Variants in FGF1 observed in about 807,000 individuals in gnomAD.
The protein encoded by FGF1 is beta-endothelial cell growth factor.
Under a neutral mutation model 13.4 loss-of-function variants are expected in FGF1, and 9 were observed. The ratio of observed to expected loss-of-function variants is 0.67; its 90% CI spans 0.40 to 1.17. The LOEUF is 1.17. FGF1 is among the 50% of genes most tolerant of loss of function. The pLI, the probability that FGF1 is intolerant of heterozygous loss-of-function variation, is 0.01. For missense variants in FGF1, 156 were observed against 192.7 expected (o/e 0.81, Z 1.13); for synonymous variants, 93 against 79.0 (o/e 1.18, Z -0.94).
intron 1 of FGF1, among the ~76,000 whole-genome samples, chr5:142,673,671 T>C (rs1771916343): frequency 6.6e-6 from 1 of 152,168 alleles, no homozygotes; most frequent in Non-Finnish European, 1.5e-5. Flanking sequence ...GCCACCATTA[T>C]CTCTTTTCTA....
At chr5:142,659,149 T>C (rs560697773) in intron 1 of FGF1, among the ~76,000 whole-genome samples, 2 of 152,056 alleles carry the variant, frequency 1.3e-5, no homozygotes, top group South Asian at 4.1e-4. Flanking sequence ...GAAACAGGCA[T>C]GTATTTTTTT....
chr5:142,614,217 A>C (rs1759718506), intron 1 of FGF1, 56 bp from the exon 2 acceptor site: 1 of 1,421,048 alleles, frequency 7.0e-7, no homozygotes, highest in African/African-American at 1.4e-5. Flanking sequence ...CACAAAATGC[A>C]CTTTGAAGAG....
At chr5:142,648,664 A>G (rs2151968711) in intron 1 of FGF1, among the ~76,000 whole-genome samples, 1 of 151,290 alleles carries the variant, frequency 6.6e-6, no homozygotes, top group East Asian at 1.9e-4. Context: ...AATAATAAAA[A>G]AAAAGTGATT....
intron 1 of FGF1, among the ~76,000 whole-genome samples, chr5:142,625,392 T>A (rs1441030065): frequency 6.6e-6 from 1 of 152,136 alleles, no homozygotes; most frequent in Non-Finnish European, 1.5e-5. Context: ...TGATTCTGTA[T>A]GTTTTTTCCC....
At chr5:142,690,628 C>T (rs191219758), upstream of FGF1, among the ~76,000 whole-genome samples, 42 of 152,310 alleles carry the variant, frequency 2.8e-4, no homozygotes, top group African/African-American at 8.4e-4. Flanking sequence ...CATCCAAGCA[C>T]CAAATTTCTT....
chr5:142,627,493 GA>G (rs1762651955), intron 1 of FGF1, among the ~76,000 whole-genome samples: 1 of 152,200 alleles, frequency 6.6e-6, no homozygotes, highest in Admixed American at 6.5e-5. Context: ...GGCATCTCTG[GA>G]AGAACAGTTA....
chr5:142,647,559 T>C (rs534939660), intron 1 of FGF1, among the ~76,000 whole-genome samples: 3 of 152,222 alleles, frequency 2.0e-5, no homozygotes, highest in African/African-American at 4.8e-5. Context: ...GGGCCTAAGA[T>C]GGTAGACCAC....
intron 1 of FGF1, among the ~76,000 whole-genome samples, chr5:142,682,160 G>A (rs1003641681): frequency 4.0e-5 from 6 of 150,768 alleles, no homozygotes; most frequent in Non-Finnish European, 5.9e-5. Flanking sequence ...ATCTCGGCTC[G>A]CTGCAAACTC....
At chr5:142,614,226 AGAGGAAGGACAGCTCCAG>A in intron 1 of FGF1, 65 bp from the exon 2 acceptor site, 1 of 1,341,638 alleles carries the variant, frequency 7.5e-7, no homozygotes, top group Non-Finnish European at 1.0e-6. Context: ...CACTTTGAAG[AGAGGAAGGACAGCTCCAG>A]GGCACAGGGT....
intron 1 of FGF1, among the ~76,000 whole-genome samples, chr5:142,662,446 T>A (rs2152002871): frequency 6.6e-6 from 1 of 152,352 alleles, no homozygotes; most frequent in African/African-American, 2.4e-5. Context: ...GATTTTTGAA[T>A]GGTCATTTTC....
intron 1 of FGF1, among the ~76,000 whole-genome samples, chr5:142,629,895 A>ATTTT (rs35168859): frequency 6.2e-4 from 79 of 127,806 alleles, no homozygotes; most frequent in Non-Finnish European, 9.2e-4. Context: ...ATATATATAT[A>ATTTT]TTTTTTTTTT....
At chr5:142,645,275 G>A (rs1056370159) in intron 1 of FGF1, among the ~76,000 whole-genome samples, 7 of 152,154 alleles carry the variant, frequency 4.6e-5, no homozygotes, top group East Asian at 1.9e-4. Context: ...CCTGGCAGAC[G>A]GCTCAGTCAT....
chr5:142,681,510 G>A (rs1773689090), intron 1 of FGF1, among the ~76,000 whole-genome samples: 1 of 152,138 alleles, frequency 6.6e-6, no homozygotes, highest in Admixed American at 6.6e-5. Flanking sequence ...GAGGCTATGG[G>A]TCCTCAAGGT....
chr5:142,617,869 A>C (rs570275046), intron 1 of FGF1, among the ~76,000 whole-genome samples: 43 of 152,320 alleles, frequency 2.8e-4, no homozygotes, highest in Non-Finnish European at 1.3e-4. Context: ...CCAATCCACT[A>C]TTTGTTAAAG....
At chr5:142,656,904 AT>A (rs59585922) in intron 1 of FGF1, among the ~76,000 whole-genome samples, 3 of 151,286 alleles carry the variant, frequency 2.0e-5, no homozygotes, top group Non-Finnish European at 2.9e-5. Context: ...TACTGCAGGT[AT>A]TTTTTTTTAT....
chr5:142,627,578 T>C (rs1762665373), intron 1 of FGF1, among the ~76,000 whole-genome samples: 1 of 152,222 alleles, frequency 6.6e-6, no homozygotes, highest in Admixed American at 6.5e-5. Context: ...GTGGAGCTCA[T>C]TTCATATGTC....
chr5:142,645,672 G>A (rs1765906466), intron 1 of FGF1, among the ~76,000 whole-genome samples: 1 of 152,214 alleles, frequency 6.6e-6, no homozygotes, highest in African/African-American at 2.4e-5. Context: ...TAGGGTGACA[G>A]CTGCTGTCAT....
At chr5:142,697,295 T>C (rs925833861) in intron 2 of FGF1, among the ~76,000 whole-genome samples, 1 of 152,224 alleles carries the variant, frequency 6.6e-6, no homozygotes, top group Non-Finnish European at 1.5e-5. Context: ...TCTACTGTAA[T>C]GGGATTTGTC....
intron 1 of FGF1, among the ~76,000 whole-genome samples, chr5:142,652,246 G>A (rs1767392594): frequency 6.6e-6 from 1 of 152,180 alleles, no homozygotes; most frequent in African/African-American, 2.4e-5. Context: ...GTAAAAACAT[G>A]TTGCCAAATG....
Sources: allele counts gnomAD v4.1 joint callset (sites outside exome capture counted in the v4.1 genomes callset), GRCh38; gene constraint gnomAD v4.1.1; transcripts MANE v1.5; gene names NCBI Gene and HGNC (gene_info 2026-07-23, HGNC 2026-07-21).